PCDH15: variants seen among roughly 807,000 people sequenced by gnomAD.
The protein encoded by PCDH15 is protocadherin related 15.
Under a neutral mutation model 178.5 loss-of-function variants are expected in PCDH15, and 129 were observed. That is an observed-to-expected ratio of 0.72 (90% CI 0.63 to 0.84). The LOEUF (loss-of-function observed/expected upper bound fraction) is 0.84, where lower values mean the gene tolerates loss of function less well. Ranked by LOEUF, PCDH15 falls within the 40% of genes least tolerant of loss-of-function variation. The pLI is 0.00. For synonymous variants in PCDH15, 800 were observed against 732.0 expected, an observed-to-expected ratio of 1.09 and a Z score of -1.50; for missense variants, 2,230 against 2,099.9, an observed-to-expected ratio of 1.06 and a Z score of -1.21.
intron 4 of PCDH15, among the ~76,000 whole-genome samples, chr10:54,371,547 G>C (rs747751340): frequency 1.3e-4 from 19 of 151,884 alleles, no homozygotes; most frequent in Non-Finnish European, 2.2e-4. Context: ...GTTTCAGAGA[G>C]CAGAAATAAG....
intron 3 of PCDH15, among the ~76,000 whole-genome samples, chr10:54,517,881 C>T (rs1256797963): frequency 6.6e-6 from 1 of 152,184 alleles, no homozygotes; most frequent in Non-Finnish European, 1.5e-5. Context: ...ACAGTGCAAT[C>T]AAACTAGAAC....
chr10:54,731,553 T>G (rs942315448), intron 1 of PCDH15, among the ~76,000 whole-genome samples: 4 of 40,360 alleles, frequency 9.9e-5, no homozygotes, highest in African/African-American at 2.8e-4. Context: ...TAGATATATA[T>G]ATATATATAT....
At chr10:55,361,998 T>G (rs889024049) in intron 2 of PCDH15, among the ~76,000 whole-genome samples, 7 of 152,064 alleles carry the variant, frequency 4.6e-5, no homozygotes, top group African/African-American at 1.7e-4. Context: ...GAAATTACAT[T>G]GGAAATATAT....
rs1172991711 is a variant in PCDH15 at position 55,528,325 on chromosome 10, C to A, written c.-156+99300G>T. 2.0e-5 allele frequency among the ~76,000 whole-genome samples: 3 copies of A among 151,880 alleles called. No homozygotes were observed. In the East Asian group the frequency reaches 5.8e-4, roughly 29 times the overall value. ...ATGTGCCATGTTGGTGTGCTGCACC[C>A]ATTAACTGCTCATTTACATTAGGCA... On this transcript the variant is annotated intron_variant, in intron 2 of 5. Coordinates refer to the PCDH15 transcript ENST00000613346.
chr10:55,046,475 T>A (rs1841009751), intron 2 of PCDH15, among the ~76,000 whole-genome samples: 1 of 151,936 alleles, frequency 6.6e-6, no homozygotes, highest in South Asian at 2.1e-4. Context: ...AAACTGACAT[T>A]GGGCCTGATC....
intron 2 of PCDH15, among the ~76,000 whole-genome samples, chr10:55,627,020 G>A (rs1177577576): frequency 6.6e-6 from 1 of 152,154 alleles, no homozygotes; most frequent in Non-Finnish European, 1.5e-5. Context: ...AGTCAGGATG[G>A]TAGGAAAGTG....
At chr10:54,904,408 A>T (rs891334193) in intron 2 of PCDH15, among the ~76,000 whole-genome samples, 2 of 151,988 alleles carry the variant, frequency 1.3e-5, no homozygotes, top group Admixed American at 6.6e-5. Context: ...GTGGTAGCTT[A>T]TGCCTACCCT....
At chr10:55,411,863 C>T (rs1589001082) in intron 2 of PCDH15, among the ~76,000 whole-genome samples, 1 of 151,348 alleles carries the variant, frequency 6.6e-6, no homozygotes, top group South Asian at 2.1e-4. Context: ...ATAGAGGCTG[C>T]AAAATTAATA....
intron 2 of PCDH15, among the ~76,000 whole-genome samples, chr10:55,555,332 C>T (rs1368355766): frequency 6.6e-6 from 1 of 152,068 alleles, no homozygotes; most frequent in Non-Finnish European, 1.5e-5. Flanking sequence ...TAGAGCTGAG[C>T]CCTAAAGCTG....
At position 54,444,875 on chromosome 10, in the gene PCDH15, C is replaced by A. The variant is rs192403315; in HGVS notation, c.158-65933G>T. Among the ~76,000 whole-genome samples, 3 of 151,658 alleles carry A rather than the reference C, an allele frequency of 2.0e-5. No individual in the cohort carries two copies. In the East Asian group the frequency reaches 5.8e-4, roughly 29 times the overall value. On this transcript the variant is annotated intron_variant, in intron 3 of 37. Transcript: ENST00000644397. The stretch of plus-strand genomic sequence containing the variant: ...AAGCATATTTTTTTATCACAACAAT[C>A]GTCCATCTTTAACTACATGTGAGGA...
chr10:54,669,161 T>C (rs987552887), intron 1 of PCDH15, among the ~76,000 whole-genome samples: 12 of 152,122 alleles, frequency 7.9e-5, no homozygotes, highest in African/African-American at 2.7e-4. Context: ...AGCATGGTGG[T>C]AAATATTAAT....
intron 1 of PCDH15, among the ~76,000 whole-genome samples, chr10:55,307,238 C>A (rs1843450849): frequency 6.6e-6 from 1 of 152,084 alleles, no homozygotes; most frequent in East Asian, 1.9e-4. Flanking sequence ...CGTGGTAGCT[C>A]ACGTCTGTAA....
intron 14 of PCDH15, 94 bp downstream of exon 14, chr10:54,153,006 A>C: frequency 4.4e-6 from 6 of 1,352,566 alleles, no homozygotes; most frequent in Non-Finnish European, 6.2e-6. Flanking sequence ...TTAGATGTTT[A>C]TAGGATAAAA....
chr10:55,451,089 A>G (rs1050134438), intron 2 of PCDH15, among the ~76,000 whole-genome samples: 97 of 151,846 alleles, frequency 6.4e-4, no homozygotes, highest in African/African-American at 2.3e-3. Flanking sequence ...GGAAGTTCTC[A>G]GGAATGAGCA....
intron 10 of PCDH15, among the ~76,000 whole-genome samples, chr10:54,201,615 A>C (rs192773221): frequency 1.4e-3 from 217 of 151,552 alleles, no homozygotes; most frequent in African/African-American, 4.8e-3. Context: ...GGTATATGGA[A>C]GAAGGTCAAA....
At chr10:54,252,206 G>T (rs2056537484) in intron 8 of PCDH15, among the ~76,000 whole-genome samples, 1 of 152,054 alleles carries the variant, frequency 6.6e-6, no homozygotes, top group Admixed American at 6.6e-5. Flanking sequence ...TAGACCCCTT[G>T]TTTCTAGTGT....
chr10:54,387,032 T>C (rs1309580577), intron 3 of PCDH15, among the ~76,000 whole-genome samples: 1 of 152,096 alleles, frequency 6.6e-6, no homozygotes, highest in Non-Finnish European at 1.5e-5. Context: ...GTAATACATA[T>C]GTTAGTTGGC....
intron 8 of PCDH15, among the ~76,000 whole-genome samples, chr10:54,309,847 A>G (rs972057852): frequency 3.3e-5 from 5 of 152,046 alleles, no homozygotes; most frequent in African/African-American, 9.7e-5. Flanking sequence ...ATGGGTTTCA[A>G]GTTAGGATAT....
intron 3 of PCDH15, among the ~76,000 whole-genome samples, chr10:54,400,125 T>C (rs1951749816): frequency 1.3e-5 from 2 of 152,106 alleles, no homozygotes; most frequent in Non-Finnish European, 2.9e-5. Context: ...AGTAGATTTC[T>C]AGCCAAACTT....
Sources: allele counts gnomAD v4.1 joint callset (sites outside exome capture counted in the v4.1 genomes callset), GRCh38; gene constraint gnomAD v4.1.1; transcripts MANE v1.5; gene names NCBI Gene and HGNC (gene_info 2026-07-23, HGNC 2026-07-21).